Variants in YEATS4 observed in about 807,000 individuals in gnomAD.
YEATS4 encodes YEATS domain containing 4, also known as YEATS domain-containing protein 4.
In YEATS4, 17 loss-of-function variants were observed where a neutral mutation model predicts 30.1. The observed-to-expected ratio is 0.56, with a 90% CI of 0.39 to 0.85. YEATS4 has a LOEUF of 0.85. YEATS4 is among the 40% of genes least tolerant of loss of function. YEATS4 has a pLI of 0.00. For synonymous variants in YEATS4, 85 were observed against 87.5 expected (o/e 0.97, Z 0.16); for missense variants, 142 against 268.3 (o/e 0.53, Z 3.29).
the YEATS4 span, among the ~76,000 whole-genome samples, chr12:69,410,494 G>T: frequency 6.6e-6 from 1 of 152,094 alleles, no homozygotes; most frequent in Non-Finnish European, 1.5e-5. Context: ...TTTTAACAGA[G>T]GTCAGGCAAA....
chr12:69,374,484 A>G (rs1875765247), intron 6 of YEATS4, among the ~76,000 whole-genome samples: 1 of 151,974 alleles, frequency 6.6e-6, no homozygotes, highest in African/African-American at 2.4e-5. Flanking sequence ...TCATAGGACA[A>G]TAGTGGAGGG....
intron 6 of YEATS4, among the ~76,000 whole-genome samples, chr12:69,382,472 C>T (rs1335307842): frequency 6.6e-6 from 1 of 152,156 alleles, no homozygotes; most frequent in Non-Finnish European, 1.5e-5. Context: ...TCCCTGTGTC[C>T]ACCACTACCA....
At chr12:69,418,651 C>T in the YEATS4 span, among the ~76,000 whole-genome samples, 1 of 152,102 alleles carries the variant, frequency 6.6e-6, no homozygotes, top group Non-Finnish European at 1.5e-5. Context: ...CACATATTTC[C>T]CTTGGTAGAA....
the YEATS4 span, among the ~76,000 whole-genome samples, chr12:69,420,542 A>C: frequency 6.6e-6 from 1 of 152,122 alleles, no homozygotes; most frequent in African/African-American, 2.4e-5. Flanking sequence ...AGAGACAGGG[A>C]CAGAGAGAAA....
downstream of YEATS4, among the ~76,000 whole-genome samples, chr12:69,391,813 T>TTCTAC (rs1381370294): frequency 1.3e-5 from 2 of 152,192 alleles, no homozygotes; most frequent in Non-Finnish European, 2.9e-5. Context: ...AAAAGCCCCA[T>TTCTAC]TCTACTTGAG....
the YEATS4 span, among the ~76,000 whole-genome samples, chr12:69,408,626 G>A: frequency 6.6e-6 from 1 of 152,158 alleles, no homozygotes; most frequent in Non-Finnish European, 1.5e-5. Context: ...CCAGTCAAGA[G>A]GCACCTTCCA....
chr12:69,374,729 G>C (rs969350673), intron 6 of YEATS4, among the ~76,000 whole-genome samples: 1 of 151,592 alleles, frequency 6.6e-6, no homozygotes, highest in African/African-American at 2.4e-5. Flanking sequence ...TCCCAAGGCA[G>C]AAGAATTTTT....
At chr12:69,382,571 G>A (rs1474902305) in intron 6 of YEATS4, among the ~76,000 whole-genome samples, 5 of 152,212 alleles carry the variant, frequency 3.3e-5, no homozygotes, top group African/African-American at 1.2e-4. Context: ...ATACTGCCAG[G>A]CCTGGGACTT....
At chr12:69,361,166 C>G (rs1262188642) in intron 1 of YEATS4, among the ~76,000 whole-genome samples, 3 of 151,842 alleles carry the variant, frequency 2.0e-5, no homozygotes, top group African/African-American at 7.3e-5. Flanking sequence ...CCACTGCACT[C>G]TAGCCTGGGC....
chr12:69,388,039 A>G (rs1188758172), intron 6 of YEATS4, among the ~76,000 whole-genome samples: 1 of 108,050 alleles, frequency 9.3e-6, no homozygotes, highest in Non-Finnish European at 2.1e-5. Flanking sequence ...ATATTCATTG[A>G]ATTTTTTTAT....
chr12:69,390,382 G>C lies in YEATS4; in HGVS notation c.*66G>C. 7.1e-7 allele frequency: 1 copy of C among 1,405,404 alleles called. No individual in the cohort carries two copies. The highest frequency in any genetic ancestry group is 9.5e-7 in the Non-Finnish European group (1 of 1,053,556). The allele number at this position is 1,405,404 out of a possible 1,614,324, so 87.1% of individuals were successfully genotyped here. Reference sequence around the variant, plus strand: ...TAAGGTGGGCTTCACTGGAGAAATGGACTTACTGCAAATGCTGTGATGTTT... The same window carrying C: ...TAAGGTGGGCTTCACTGGAGAAATGCACTTACTGCAAATGCTGTGATGTTT... On this transcript the variant is annotated 3_prime_UTR_variant, in exon 7 of 7. Transcript: ENST00000247843.
the YEATS4 span, among the ~76,000 whole-genome samples, chr12:69,397,523 G>A: frequency 2.2e-4 from 33 of 152,246 alleles, no homozygotes; most frequent in African/African-American, 7.2e-4. Flanking sequence ...GTTTTATAAA[G>A]GGTAGTTCCC....
At chr12:69,412,694 G>A in the YEATS4 span, among the ~76,000 whole-genome samples, 1 of 152,160 alleles carries the variant, frequency 6.6e-6, no homozygotes, top group African/African-American at 2.4e-5. Context: ...AAATAAAGGC[G>A]AGGAAAGTCA....
At chr12:69,375,204 A>T (rs1319318508) in intron 6 of YEATS4, among the ~76,000 whole-genome samples, 1 of 130,602 alleles carries the variant, frequency 7.7e-6, no homozygotes, top group East Asian at 2.6e-4. Flanking sequence ...CCGGTCAGAG[A>T]CGCTCCTCAC....
intron 1 of YEATS4, among the ~76,000 whole-genome samples, chr12:69,360,280 C>A (rs1368848155): frequency 1.3e-5 from 2 of 152,170 alleles, no homozygotes; most frequent in Non-Finnish European, 2.9e-5. Context: ...GAAACCCGGA[C>A]GTGGCTGCCA....
chr12:69,400,567 G>A, the YEATS4 span, among the ~76,000 whole-genome samples: 6 of 151,894 alleles, frequency 4.0e-5, no homozygotes, highest in South Asian at 4.2e-4. Flanking sequence ...AAGGTATATG[G>A]CCAGGCATGG....
At chr12:69,408,667 A>AT in the YEATS4 span, among the ~76,000 whole-genome samples, 1 of 152,188 alleles carries the variant, frequency 6.6e-6, no homozygotes, top group Non-Finnish European at 1.5e-5. Flanking sequence ...ACAATTGATG[A>AT]TCCCCCAGCC....
intron 6 of YEATS4, among the ~76,000 whole-genome samples, chr12:69,379,607 T>A (rs1875994046): frequency 1.3e-5 from 1 of 75,274 alleles, no homozygotes; most frequent in Admixed American, 1.4e-4. Context: ...TTTTTTTTTT[T>A]TTTTTTTTTT....
At chr12:69,419,676 G>A in the YEATS4 span, among the ~76,000 whole-genome samples, 1 of 152,172 alleles carries the variant, frequency 6.6e-6, no homozygotes, top group African/African-American at 2.4e-5. Context: ...AGAAAGTCAT[G>A]TGTTGAGCAC....
Sources: gnomAD v4.1 joint callset for allele counts (sites outside exome capture counted in the v4.1 genomes callset) on GRCh38, gnomAD v4.1.1 for gene constraint, MANE v1.5 for transcripts, NCBI Gene and HGNC (gene_info 2026-07-23, HGNC 2026-07-21) for gene names.